The following ADGRE3 variants were observed in gnomAD, a reference collection of about 807,000 sequenced individuals.
ADGRE3 encodes the protein EGF-like module receptor 3.
Under a neutral mutation model 80.1 loss-of-function variants are expected in ADGRE3, and 88 were observed. That is an observed-to-expected ratio of 1.10 (90% CI 0.93 to 1.31). The LOEUF (loss-of-function observed/expected upper bound fraction) is 1.31, where lower values mean the gene tolerates loss of function less well. Among genes scored for constraint, ADGRE3 ranks in the 40% most tolerant of loss-of-function variants. The pLI is 0.00. For synonymous variants in ADGRE3, 281 were observed against 294.8 expected (o/e 0.95, Z 0.48); for missense variants, 715 against 776.5 (o/e 0.92, Z 0.94).
At chr19:14,618,443 T>C (rs1478945313), downstream of ADGRE3, among the ~76,000 whole-genome samples, 5 of 152,008 alleles carry the variant, frequency 3.3e-5, no homozygotes, top group Non-Finnish European at 1.5e-5. Context: ...TAGTCCCAGC[T>C]ATCGGGAGGC....
intron 15 of ADGRE3, chr19:14,621,973 A>T (rs1970616900): frequency 9.8e-7 from 1 of 1,019,816 alleles, no homozygotes; most frequent in East Asian, 2.6e-5. Flanking sequence ...ACACAGGATC[A>T]GGTTGGACCG....
intron 10 of ADGRE3, among the ~76,000 whole-genome samples, 179 bp downstream of exon 10, chr19:14,641,240 C>T (rs911031708): frequency 6.6e-6 from 1 of 152,134 alleles, no homozygotes; most frequent in Non-Finnish European, 1.5e-5. Context: ...TTTGCTTTTT[C>T]TCTTATCTGT....
chr19:14,636,495 C>A (rs950771263), intron 11 of ADGRE3, among the ~76,000 whole-genome samples: 191 of 152,104 alleles, frequency 1.3e-3, no homozygotes, highest in African/African-American at 4.4e-3. Context: ...GCATGAGTCA[C>A]CGTGCCCGAC....
At chr19:14,615,966 C>CT (rs376499489), downstream of ADGRE3, among the ~76,000 whole-genome samples, 2,368 of 141,362 alleles carry the variant, frequency 0.017, 45 homozygotes, top group African/African-American at 0.038. Flanking sequence ...CTCTGCCTTA[C>CT]TTTTTTTTTT....
intron 8 of ADGRE3, among the ~76,000 whole-genome samples, chr19:14,646,693 C>CTCCTTCCTTCCTTCCTTCCT (rs1217192329): frequency 1.4e-4 from 9 of 66,522 alleles, no homozygotes; most frequent in African/African-American, 6.3e-4. Flanking sequence ...CCCTCCCTCC[C>CTCCTTCCTTCCTTCCTTCCT]TCCTTCCTTC....
chr19:14,650,201 C>T (rs1971549907), intron 7 of ADGRE3, among the ~76,000 whole-genome samples: 1 of 141,458 alleles, frequency 7.1e-6, no homozygotes, highest in Non-Finnish European at 1.5e-5. Flanking sequence ...CTTTGCATCT[C>T]TCTCCTCTCC....
chr19:14,625,758 G>T (rs947704259), intron 14 of ADGRE3, among the ~76,000 whole-genome samples, 159 bp from the exon 15 acceptor site: 2 of 152,142 alleles, frequency 1.3e-5, no homozygotes, highest in African/African-American at 4.8e-5. Flanking sequence ...TCTTATAAAG[G>T]AAGGAGATTC....
At chr19:14,627,337 T>A (rs146454378) in intron 14 of ADGRE3, among the ~76,000 whole-genome samples, 2 of 152,194 alleles carry the variant, frequency 1.3e-5, no homozygotes, top group African/African-American at 4.8e-5. Context: ...CAATGAGTGC[T>A]TATACTCGTT....
intron 7 of ADGRE3, among the ~76,000 whole-genome samples, chr19:14,649,284 ATCTCGCTTTTGATCTGTCTCTTCCCATC>A (rs1568489891): frequency 9.4e-6 from 1 of 105,966 alleles, no homozygotes; most frequent in Non-Finnish European, 1.9e-5. Flanking sequence ...CCATCTCTCC[ATCTCGCTTTTGATCTGTCTCTTCCCATC>A]TCTCGCTTTT....
the ADGRE3 span, chr19:14,606,947 G>A: frequency 2.4e-5 from 25 of 1,048,476 alleles, no homozygotes; most frequent in African/African-American, 4.1e-4. Context: ...CTCACCCTGA[G>A]GGTCATGTAG....
At chr19:14,600,531 C>T in the ADGRE3 span, among the ~76,000 whole-genome samples, 1 of 152,150 alleles carries the variant, frequency 6.6e-6, no homozygotes, top group Admixed American at 6.5e-5. Flanking sequence ...ACATGCAATC[C>T]TCACGACAAC....
chr19:14,668,157 A>G (rs555578273), intron 2 of ADGRE3, among the ~76,000 whole-genome samples: 2 of 152,126 alleles, frequency 1.3e-5, no homozygotes, highest in Admixed American at 6.5e-5. Flanking sequence ...AGGCTGAGGC[A>G]TGAGATTCGT....
At chr19:14,657,603 C>T (rs944356583) in intron 5 of ADGRE3, among the ~76,000 whole-genome samples, 1 of 151,870 alleles carries the variant, frequency 6.6e-6, no homozygotes, top group East Asian at 1.9e-4. Context: ...TTGGTATACG[C>T]ATGGCATTGG....
At chr19:14,660,434 C>A (rs1422728607) in intron 4 of ADGRE3, among the ~76,000 whole-genome samples, 1 of 152,020 alleles carries the variant, frequency 6.6e-6, no homozygotes, top group Non-Finnish European at 1.5e-5. Flanking sequence ...TGAGATCAGC[C>A]TGGGCGACAT....
downstream of ADGRE3, among the ~76,000 whole-genome samples, chr19:14,617,473 C>T (rs1006155384): frequency 6.6e-6 from 1 of 150,988 alleles, no homozygotes; most frequent in Admixed American, 6.7e-5. Context: ...TATTGACTCA[C>T]TGCAACCTCT....
intron 6 of ADGRE3, among the ~76,000 whole-genome samples, chr19:14,653,758 G>T (rs957966922): frequency 4.0e-5 from 6 of 151,720 alleles, no homozygotes; most frequent in African/African-American, 1.5e-4. Flanking sequence ...TCATTTTATT[G>T]ACAGGAGAAT....
At chr19:14,606,097 T>C in the ADGRE3 span, among the ~76,000 whole-genome samples, 127,814 of 151,990 alleles carry the variant, frequency 0.84, 54,463 homozygotes, top group African/African-American at 0.95. Flanking sequence ...CTTCTTTTCC[T>C]GGAACAATGA....
intron 15 of ADGRE3, among the ~76,000 whole-genome samples, 153 bp downstream of exon 15, chr19:14,625,339 C>T (rs373932982): frequency 2.0e-5 from 3 of 152,086 alleles, no homozygotes; most frequent in African/African-American, 4.8e-5. Context: ...CCATGGCACA[C>T]GTTTACCTAT....
chr19:14,607,307 G>T, the ADGRE3 span, among the ~76,000 whole-genome samples: 69 of 151,604 alleles, frequency 4.6e-4, no homozygotes, highest in Admixed American at 3.4e-3. Flanking sequence ...CAGGTTCAAG[G>T]TATTCTCTGC....
Sources: gnomAD v4.1 joint callset for allele counts (sites outside exome capture counted in the v4.1 genomes callset) on GRCh38, gnomAD v4.1.1 for gene constraint, MANE v1.5 for transcripts, NCBI Gene and HGNC (gene_info 2026-07-23, HGNC 2026-07-21) for gene names.